FAT3: variants seen among roughly 807,000 people sequenced by gnomAD.
FAT3 encodes the protein FAT atypical cadherin 3.
Under a neutral mutation model 310.2 loss-of-function variants are expected in FAT3, and 95 were observed. That is an observed-to-expected ratio of 0.31 (90% confidence interval 0.26 to 0.36). The LOEUF (loss-of-function observed/expected upper bound fraction) is 0.36. Among genes scored for constraint, FAT3 ranks in the 10% least tolerant of loss-of-function variants. FAT3 has a pLI of 1.00. For missense variants in FAT3, 5,408 were observed against 5,715.6 expected (o/e 0.95, Z 1.74); for synonymous variants, 2,314 against 2,192.9 (o/e 1.06, Z -1.54).
chr11:92,742,318 AC>A (rs1455552923), intron 4 of FAT3, among the ~76,000 whole-genome samples: 1 of 152,228 alleles, frequency 6.6e-6, no homozygotes, highest in Non-Finnish European at 1.5e-5. Context: ...TATAAGAACT[AC>A]AGGAGTAGGG....
chr11:92,806,285 A>G (rs1331641679), intron 11 of FAT3, 77 bp from the exon 12 acceptor site: 5 of 1,273,676 alleles, frequency 3.9e-6, no homozygotes, highest in African/African-American at 1.5e-5. Context: ...TTTTAAAGAA[A>G]TCCTATATAA....
In FAT3 at chr11:92,516,640, G is replaced by A. The variant is rs559173491; in HGVS notation, c.3293-7994G>A. On this transcript the variant is annotated intron_variant, in intron 2 of 27. Coordinates refer to ENST00000525166, the MANE Select transcript of FAT3 (RefSeq NM_001367949.2). The stretch of plus-strand genomic sequence containing the variant: ...CATAGTATTGGAAGTTCTGGCCAGA[G>A]CAATCAGGCAAAAGAAAGAAGTAAA... Among the ~76,000 whole-genome samples the A allele has an allele frequency of 3.9e-5, 6 of 152,228 alleles. No homozygotes were observed. The East Asian group carries it at 5.8e-4, about 15-fold the overall frequency.
At chr11:92,710,372 C>T (rs1311340916) in intron 4 of FAT3, among the ~76,000 whole-genome samples, 1 of 152,156 alleles carries the variant, frequency 6.6e-6, no homozygotes, top group African/African-American at 2.4e-5. Context: ...CTTCTTGTCA[C>T]TGCAAATAAC....
chr11:92,478,953 T>TCTCTCTCTCTCTCTCTC (rs1555058223), intron 2 of FAT3, among the ~76,000 whole-genome samples: 8 of 103,948 alleles, frequency 7.7e-5, no homozygotes, highest in African/African-American at 3.1e-4. Flanking sequence ...TCTTTCTTTC[T>TCTCTCTCTCTCTCTCTC]TTTCTTTTCT....
intron 2 of FAT3, among the ~76,000 whole-genome samples, chr11:92,442,166 T>C (rs1249836726): frequency 7.9e-6 from 1 of 126,870 alleles, no homozygotes; most frequent in Non-Finnish European, 1.6e-5. Flanking sequence ...CAGGCTGGAG[T>C]GCAGTGGCTT....
intron 1 of FAT3, among the ~76,000 whole-genome samples, chr11:92,228,691 T>G (rs1195668188): frequency 6.6e-6 from 1 of 152,260 alleles, no homozygotes; most frequent in Non-Finnish European, 1.5e-5. Flanking sequence ...GCTATATTAA[T>G]AGCTCACAAA....
At chr11:92,481,872 TA>T (rs2135196241) in intron 2 of FAT3, among the ~76,000 whole-genome samples, 1 of 152,302 alleles carries the variant, frequency 6.6e-6, no homozygotes, top group African/African-American at 2.4e-5. Flanking sequence ...AAAATGGTAA[TA>T]AAAATTATTG....
chr11:92,722,926 TC>T (rs1944905861), intron 4 of FAT3, among the ~76,000 whole-genome samples: 1 of 152,104 alleles, frequency 6.6e-6, no homozygotes, highest in Non-Finnish European at 1.5e-5. Flanking sequence ...TACGAAAACA[TC>T]TTTTCCTCCT....
chr11:92,360,868 A>G (rs1033881345), intron 2 of FAT3, among the ~76,000 whole-genome samples: 6 of 152,208 alleles, frequency 3.9e-5, no homozygotes, highest in Non-Finnish European at 5.9e-5. Flanking sequence ...AGGGTCACAC[A>G]TCTGGTAGCT....
chr11:92,462,128 A>G (rs749992057), intron 2 of FAT3, among the ~76,000 whole-genome samples: 4 of 151,928 alleles, frequency 2.6e-5, no homozygotes, highest in Non-Finnish European at 4.4e-5. Context: ...TTAAGGAATT[A>G]TTATTTTGCT....
intron 22 of FAT3, among the ~76,000 whole-genome samples, chr11:92,869,281 A>G (rs946547378): frequency 6.6e-6 from 1 of 152,048 alleles, no homozygotes; most frequent in Non-Finnish European, 1.5e-5. Context: ...CACCAAGGCT[A>G]CTCCCAAGCC....
chr11:92,863,629 A>G (rs1949171104), intron 21 of FAT3, among the ~76,000 whole-genome samples: 1 of 152,162 alleles, frequency 6.6e-6, no homozygotes, highest in Admixed American at 6.5e-5. Context: ...TGCTATAGAC[A>G]TTTCTTACAG....
At chr11:92,615,796 T>C (rs1271047541) in intron 3 of FAT3, among the ~76,000 whole-genome samples, 1 of 152,182 alleles carries the variant, frequency 6.6e-6, no homozygotes, top group Non-Finnish European at 1.5e-5. Flanking sequence ...TTTGAGTGAG[T>C]TTCTTAATCA....
In FAT3 at chr11:92,805,240, A is replaced by T. The variant is rs2136199394; in HGVS notation, c.8984A>T (p.Gln2995Leu). 9 of 1,613,940 alleles carry T rather than the reference A, an allele frequency of 5.6e-6. No homozygotes were observed. Among genetic ancestry groups the T allele is most frequent in the Non-Finnish European group, 7.6e-6 (9 of 1,179,852 alleles). The change falls in exon 11 of 28, where the codon CAG becomes CTG. Residue 2995 changes from glutamine (Q) to leucine (L), a missense_variant. Around this residue, in one of 5 missense-constraint regions of FAT3, gnomAD observed 4,588 missense variants for 4,809.8 expected, o/e 0.95. Transcript: ENST00000525166. Reference protein sequence around the residue: ...YVKRPLDREEQDIYFLNITAT... With the variant: ...YVKRPLDREELDIYFLNITAT... ...AAGAGGCCTCTAGACAGAGAAGAAC[A>T]GGACATTTACTTTCTCAATATCACT...
chr11:92,835,164 G>T, intron 15 of FAT3, 80 bp downstream of exon 15: 1 of 1,266,576 alleles, frequency 7.9e-7, no homozygotes. Flanking sequence ...AGCAAAGTCC[G>T]TCTTGGGTTT....
At chr11:92,273,910 C>T (rs1946194129) in intron 1 of FAT3, among the ~76,000 whole-genome samples, 2 of 152,060 alleles carry the variant, frequency 1.3e-5, no homozygotes, top group South Asian at 4.1e-4. Flanking sequence ...TAGAATATTT[C>T]TGATATAATA....
At chr11:92,763,164 A>G (rs1193844747) in intron 5 of FAT3, among the ~76,000 whole-genome samples, 2 of 151,688 alleles carry the variant, frequency 1.3e-5, no homozygotes, top group Non-Finnish European at 2.9e-5. Context: ...GTCTCAAAAA[A>G]AAAAAAGGCA....
chr11:92,841,698 A>G (rs1276703135), intron 18 of FAT3, among the ~76,000 whole-genome samples: 1 of 152,210 alleles, frequency 6.6e-6, no homozygotes, highest in African/African-American at 2.4e-5. Context: ...CCGGATATGG[A>G]GCAGATTTCA....
At chr11:92,376,950 T>C (rs1444837303) in intron 2 of FAT3, among the ~76,000 whole-genome samples, 3 of 152,230 alleles carry the variant, frequency 2.0e-5, no homozygotes, top group African/African-American at 7.2e-5. Flanking sequence ...GTCATTTTTA[T>C]TGGAAGGTAA....
Sources: allele counts gnomAD v4.1 joint callset (sites outside exome capture counted in the v4.1 genomes callset), GRCh38; gene constraint gnomAD v4.1.1; regional missense constraint gnomAD v4.1.1; transcripts MANE v1.5; gene names NCBI Gene and HGNC (gene_info 2026-07-23, HGNC 2026-07-21).